The following GOLGA6L9 variants were observed in gnomAD, a reference collection of about 807,000 sequenced individuals.
GOLGA6L9 encodes the protein golgin subfamily A member 6-like protein 9.
GOLGA6L9 carries 19 observed loss-of-function variants against 51.3 expected under a neutral mutation model. The observed-to-expected ratio is 0.37, with a 90% confidence interval of 0.26 to 0.54. The LOEUF is 0.54. GOLGA6L9 is among the 20% of genes least tolerant of loss of function. The pLI, the probability that GOLGA6L9 is intolerant of heterozygous loss-of-function variation, is 0.83. For missense variants in GOLGA6L9, 247 were observed against 464.1 expected (o/e 0.53, Z 4.30); for synonymous variants, 97 against 184.2 (o/e 0.53, Z 3.83).
At chr15:82,417,253 T>G in the GOLGA6L9 span, among the ~76,000 whole-genome samples, 1 of 152,208 alleles carries the variant, frequency 6.6e-6, no homozygotes, top group Non-Finnish European at 1.5e-5. Flanking sequence ...ATGTGGCATA[T>G]TATCCTTAGA....
At chr15:82,433,330 C>T (rs1334701488) in intron 4 of GOLGA6L9, among the ~76,000 whole-genome samples, 2 of 151,900 alleles carry the variant, frequency 1.3e-5, no homozygotes, top group East Asian at 3.9e-4. Context: ...GATTTAAAGG[C>T]CCCTAGAATG....
chr15:82,429,219 C>T (rs1567130146), upstream of GOLGA6L9, among the ~76,000 whole-genome samples: 2 of 151,578 alleles, frequency 1.3e-5, no homozygotes, highest in South Asian at 4.2e-4. Context: ...GGATTACAAG[C>T]ACCCACCACC....
chr15:82,434,092 T>G lies in GOLGA6L9; in HGVS notation c.492T>G (p.Asp164Glu). ...AGPSKMEQLQ[D>E]ETNHLRKELE... ...CATCTAAGATGGAGCAGCTACAAGATGAGACCAACCACCTAAGGAAGGAGC... is the reference window on the plus strand; with the variant it reads ...CATCTAAGATGGAGCAGCTACAAGAGGAGACCAACCACCTAAGGAAGGAGC... The change falls in exon 6 of 9, where the codon GAT (aspartate) becomes GAG (glutamate). Residue 164 changes from aspartate to glutamate, a missense_variant. Transcript: ENST00000618348. 6.6e-7 allele frequency: 1 copy of G among 1,507,576 alleles called. No individual in the cohort carries two copies. Among genetic ancestry groups the G allele is most frequent in the South Asian group, 1.2e-5 (1 of 82,408 alleles). The allele number at this position is 1,507,576 out of a possible 1,614,324, so 93.4% of individuals were successfully genotyped here. A position where few individuals can be genotyped will look rare whatever the true frequency, so the allele number is the denominator to read the frequency against.
chr15:82,438,050 C>T lies in GOLGA6L9; in HGVS notation c.*1639C>T, dbSNP rs1162832130. ...TCAGTTTAAAGACAGTTACTTTAAGCCCATTTTAAACCCTCAGGCTAGAAA... is the reference window on the plus strand; with the variant it reads ...TCAGTTTAAAGACAGTTACTTTAAGTCCATTTTAAACCCTCAGGCTAGAAA... On this transcript the variant is annotated 3_prime_UTR_variant, in exon 9 of 9. Transcript: ENST00000618348. The T allele has an allele frequency of 2.7e-5, 4 of 150,828 alleles. No individual in the cohort carries two copies. Among genetic ancestry groups the T allele is most frequent in the Non-Finnish European group, 5.9e-5 (4 of 67,772 alleles). The allele number at this position is 150,828 out of a possible 1,614,324, so 9.3% of individuals were successfully genotyped here.
At chr15:82,418,707 T>G in the GOLGA6L9 span, 5 of 152,258 alleles carry the variant, frequency 3.3e-5, no homozygotes, top group African/African-American at 1.2e-4. Flanking sequence ...AGGAGCCACA[T>G]GGTGTGAACC....
Position 82,429,913 on chromosome 15 carries a change from C to T in GOLGA6L9, c.-167C>T, listed in dbSNP as rs1202181025. On this transcript the variant is annotated 5_prime_UTR_variant, in exon 1 of 9. Transcript: ENST00000618348. ...TCTGGACATGCTGCGCCTGGCCACG[C>T]CTCCTTTCCCTTTCATCTTTCTCAC... is the stretch of plus-strand genomic sequence containing the variant. The T allele has an allele frequency of 2.5e-5, 22 of 875,410 alleles. No homozygotes were observed. Among genetic ancestry groups the T allele is most frequent in the African/African-American group, 1.7e-4 (10 of 59,654 alleles). 54.2% of individuals were successfully genotyped at this position (875,410 alleles called of 1,614,324 possible).
rs1471139034 is a variant in GOLGA6L9 at position 82,436,759 on chromosome 15, G to A, written c.*348G>A. 3 of 181,324 alleles carry A rather than the reference G, an allele frequency of 1.7e-5. No individual in the cohort carries two copies. Among genetic ancestry groups the A allele is most frequent in the Non-Finnish European group, 3.3e-5 (3 of 90,730 alleles). The allele number at this position is 181,324 out of a possible 1,614,324, so 11.2% of individuals were successfully genotyped here. The stretch of plus-strand genomic sequence containing the variant: ...ATTATAGGACGTTAGCATGCATATC[G>A]AGTTTGCCCTTATGTGGTGGGAGTT... On this transcript the variant is annotated 3_prime_UTR_variant, in exon 9 of 9. Transcript: ENST00000618348.
In GOLGA6L9 at chr15:82,434,272, ACAG is replaced by A. The variant is rs1171340264; in HGVS notation, c.673_675del (p.Gln225del). On this transcript the variant is annotated inframe_deletion, in exon 6 of 9. Transcript: ENST00000618348. ...GTGAACAGGAGGAGAGGCTGTGTGA[ACAG>A]GAGGAGAGGCTACGTGAACAGGAGG... 362 of 1,553,996 alleles carry A rather than the reference ACAG, an allele frequency of 2.3e-4. 2 individuals carry two copies. In the African/African-American group the frequency reaches 4.4e-3, roughly 19 times the overall value.
chr15:82,417,268 CGTTA>C, the GOLGA6L9 span, among the ~76,000 whole-genome samples: 3 of 151,974 alleles, frequency 2.0e-5, no homozygotes, highest in African/African-American at 7.3e-5. Context: ...CTTAGATGAC[CGTTA>C]CTTCAATTAT....
the GOLGA6L9 span, among the ~76,000 whole-genome samples, chr15:82,419,745 G>A: frequency 6.6e-6 from 1 of 152,184 alleles, no homozygotes; most frequent in Admixed American, 6.5e-5. Context: ...GCTAGGATAG[G>A]CGTTAACAGT....
chr15:82,420,922 T>C, the GOLGA6L9 span, among the ~76,000 whole-genome samples: 15 of 138,932 alleles, frequency 1.1e-4, no homozygotes, highest in Non-Finnish European at 2.3e-4. Flanking sequence ...CTCACACTTA[T>C]GGAGGGAATG....
At chr15:82,433,392 G>T (rs2031500785) in intron 4 of GOLGA6L9, among the ~76,000 whole-genome samples, 170 bp from the exon 5 acceptor site, 1 of 152,060 alleles carries the variant, frequency 6.6e-6, no homozygotes, top group African/African-American at 2.4e-5. Context: ...TTATATCTCT[G>T]CTATGAAGAA....
At chr15:82,416,395 G>A in the GOLGA6L9 span, among the ~76,000 whole-genome samples, 5 of 152,136 alleles carry the variant, frequency 3.3e-5, no homozygotes, top group Non-Finnish European at 7.4e-5. Context: ...AGAAACAGGG[G>A]AGTAACAGTA....
chr15:82,432,829 G>T lies in GOLGA6L9; in HGVS notation c.277G>T (p.Glu93Ter). ...TLQDLESQYQ[E>*]LAVALDSSSA... ...GCATGCACCTCAGAGCCAGTACCAAGAACTAGCAGTAGCCCTGGATTCAAG... is the reference window on the plus strand; with the variant it reads ...GCATGCACCTCAGAGCCAGTACCAATAACTAGCAGTAGCCCTGGATTCAAG... The change falls in exon 4 of 9, where the codon GAA (glutamate) becomes TAA (stop). Residue 93 changes from glutamate to a stop codon, truncating the protein, a stop_gained. Transcript: ENST00000618348. LOFTEE classifies it high-confidence loss of function. 2 of 1,612,412 alleles carry T rather than the reference G, an allele frequency of 1.2e-6. No homozygotes were observed. Among genetic ancestry groups the T allele is most frequent in the South Asian group, 2.2e-5 (2 of 90,938 alleles).
At position 82,431,932 on chromosome 15, in the gene GOLGA6L9, T is replaced by A. The variant is rs2031418751; in HGVS notation, c.187T>A (p.Tyr63Asn). 4.4e-6 allele frequency: 6 copies of A among 1,352,286 alleles called. 1 individual carries two copies. The highest frequency in any genetic ancestry group is 2.9e-5 in the African/African-American group (2 of 68,296). 83.8% of individuals were successfully genotyped at this position (1,352,286 alleles called of 1,614,324 possible). The part of the protein sequence containing the change: ...SSPDTFTSGG[Y>N]HSPGDSATGI... ...CCCTGACACATTCACTTCTGGTGGT[T>A]ACCACTCACCTGGGGATGTGAGTCT... Residue 63 changes from tyrosine to asparagine, a missense_variant, in exon 2 of 9, where the codon TAC becomes AAC. Coordinates refer to ENST00000618348, the MANE Select transcript of GOLGA6L9 (RefSeq NM_198181.4).
intron 1 of GOLGA6L9, chr15:82,431,593 G>A (rs1208268722): frequency 1.2e-5 from 4 of 320,664 alleles, no homozygotes; most frequent in South Asian, 3.7e-5. Context: ...CCCAGAGCTT[G>A]GAGTCAGAGG....
In GOLGA6L9 at chr15:82,434,039, C is replaced by T. The variant is rs2031538986; in HGVS notation, c.439C>T (p.Pro147Ser). 1 of 1,528,076 alleles carries T rather than the reference C, an allele frequency of 6.5e-7. No individual in the cohort carries two copies. The highest frequency in any genetic ancestry group is 8.7e-7 in the Non-Finnish European group (1 of 1,152,246). 94.7% of individuals were successfully genotyped at this position (1,528,076 alleles called of 1,614,324 possible). ...LFKLKNQTAE[P>S]LAPQPPAGPS... is the part of the protein sequence containing the mutation. ...TTCTCTGCTTGCTTTCTCAGCTGAA[C>T]CCCTGGCCCCACAGCCCCCAGCAGG... Residue 147 changes from proline (P) to serine (S), a missense_variant, in exon 6 of 9, where the codon CCC becomes TCC. By Grantham distance (74) the Pro-to-Ser change is moderately conservative. Coordinates refer to ENST00000618348, the MANE Select transcript of GOLGA6L9 (RefSeq NM_198181.4).
the GOLGA6L9 span, chr15:82,418,704 A>T: frequency 2.0e-5 from 3 of 152,268 alleles, no homozygotes; most frequent in Admixed American, 6.5e-5. Flanking sequence ...GAGAGGAGCC[A>T]CATGGTGTGA....
At chr15:82,420,821 T>C in the GOLGA6L9 span, among the ~76,000 whole-genome samples, 1,012 of 151,872 alleles carry the variant, frequency 6.7e-3, 9 homozygotes, top group African/African-American at 0.023. Context: ...GGGTTTTTTT[T>C]GTTTTGTTTT....
Sources: gnomAD v4.1 joint callset for allele counts (sites outside exome capture counted in the v4.1 genomes callset) on GRCh38, gnomAD v4.1.1 for gene constraint, MANE v1.5 for transcripts, NCBI Gene and HGNC (gene_info 2026-07-23, HGNC 2026-07-21) for gene names.